The following UQCC4 variants were observed in gnomAD, a reference collection of about 807,000 sequenced individuals.
UQCC4 encodes ubiquinol-cytochrome c reductase complex assembly factor 4.
chr16:1,420,469 G>C, the UQCC4 span: 3 of 1,614,158 alleles, frequency 1.9e-6, no homozygotes, highest in African/African-American at 4.0e-5. Flanking sequence ...CCAGCGGTGA[G>C]GGTTGGCTTT....
chr16:1,420,046 G>A, the UQCC4 span: 35 of 1,611,516 alleles, frequency 2.2e-5, no homozygotes, highest in African/African-American at 6.7e-5. Flanking sequence ...GACATCAAGA[G>A]CCAGGCGAGG....
the UQCC4 span, chr16:1,420,626 A>AGCAGTAAGC: frequency 6.4e-7 from 1 of 1,555,784 alleles, no homozygotes; most frequent in South Asian, 1.2e-5. Flanking sequence ...GAAGAGAGAG[A>AGCAGTAAGC]GCAGTAAGCG....
chr16:1,420,169 C>A, the UQCC4 span: 4 of 1,614,002 alleles, frequency 2.5e-6, no homozygotes, highest in South Asian at 3.3e-5. Flanking sequence ...ATAGCCAGGA[C>A]AGTCACGGGC....
the UQCC4 span, chr16:1,420,411 C>T: frequency 1.2e-6 from 2 of 1,614,272 alleles, no homozygotes; most frequent in Non-Finnish European, 1.7e-6. Context: ...GGGGCAGCAC[C>T]TTCCACCAGG....
At chr16:1,419,940 T>C in the UQCC4 span, 1 of 1,503,936 alleles carries the variant, frequency 6.6e-7, no homozygotes, top group Non-Finnish European at 9.0e-7. Flanking sequence ...TTTGGAAACA[T>C]GATTATGTTA....
the UQCC4 span, chr16:1,420,419 A>G: frequency 2.5e-6 from 4 of 1,614,244 alleles, no homozygotes; most frequent in Non-Finnish European, 3.4e-6. Context: ...ACCTTCCACC[A>G]GGGCCGCTGA....
At chr16:1,419,854 C>A in the UQCC4 span, 9 of 1,318,086 alleles carry the variant, frequency 6.8e-6, no homozygotes, top group South Asian at 1.0e-4. Context: ...CAGTTTCACA[C>A]TTCTGCCAGA....
chr16:1,419,792 G>A, the UQCC4 span: 11 of 716,024 alleles, frequency 1.5e-5, 1 homozygote, highest in South Asian at 2.1e-4. Context: ...ATTTGTTGTT[G>A]TGTAAAACTC....
chr16:1,419,889 C>G, the UQCC4 span: 1 of 1,390,710 alleles, frequency 7.2e-7, no homozygotes, highest in Non-Finnish European at 9.6e-7. Flanking sequence ...AAGCAAATTA[C>G]CTGCAAACTA....
chr16:1,419,951 T>G, the UQCC4 span: 2 of 1,534,578 alleles, frequency 1.3e-6, no homozygotes, highest in Non-Finnish European at 1.8e-6. Context: ...GATTATGTTA[T>G]ACAAAGACTT....
chr16:1,420,321 C>G, the UQCC4 span: 1 of 1,614,208 alleles, frequency 6.2e-7, no homozygotes, highest in Non-Finnish European at 8.5e-7. Context: ...CCTCTCCCCA[C>G]ACCTGTCTCA....
chr16:1,419,901 C>T, the UQCC4 span: 1 of 1,422,642 alleles, frequency 7.0e-7, no homozygotes. Context: ...TGCAAACTAA[C>T]ACTGGATGAC....
chr16:1,419,832 C>T, the UQCC4 span: 5 of 1,204,312 alleles, frequency 4.2e-6, no homozygotes, highest in Admixed American at 9.7e-5. Flanking sequence ...GCACAGGCCG[C>T]AGCATGCAAT....
At chr16:1,420,095 C>T in the UQCC4 span, 20 of 1,613,136 alleles carry the variant, frequency 1.2e-5, no homozygotes, top group South Asian at 1.8e-4. Flanking sequence ...TCCGCCTTCA[C>T]GCGAATCAGC....
At chr16:1,420,026 G>GGAAT in the UQCC4 span, 1 of 1,609,412 alleles carries the variant, frequency 6.2e-7, no homozygotes, top group Non-Finnish European at 8.5e-7. Flanking sequence ...TCTTGCCGAT[G>GGAAT]GAATCCTTGG....
chr16:1,420,728 G>A, the UQCC4 span: 11 of 1,538,542 alleles, frequency 7.1e-6, no homozygotes, highest in Middle Eastern at 2.2e-4. Flanking sequence ...ATTCATTGCT[G>A]CCTTGACTCC....
chr16:1,420,267 A>G, the UQCC4 span: 1 of 1,613,842 alleles, frequency 6.2e-7, no homozygotes, highest in South Asian at 1.1e-5. Context: ...CTCTGTAGGC[A>G]GCTGGAGTCT....
the UQCC4 span, chr16:1,420,449 G>A: frequency 6.2e-7 from 1 of 1,614,280 alleles, no homozygotes; most frequent in East Asian, 2.2e-5. Context: ...CCCATGGTAT[G>A]GCCCACCGAC....
chr16:1,420,623 G>C, the UQCC4 span: 1 of 1,559,148 alleles, frequency 6.4e-7, no homozygotes, highest in Non-Finnish European at 8.7e-7. Flanking sequence ...CTGGAAGAGA[G>C]AGAGCAGTAA....
Sources: gnomAD v4.1 joint callset for allele counts on GRCh38, gnomAD v4.1.1 for gene constraint, MANE v1.5 for transcripts, NCBI Gene and HGNC (gene_info 2026-07-23, HGNC 2026-07-21) for gene names.